Variants in EDA2R observed in about 807,000 individuals in gnomAD.
EDA2R encodes tumor necrosis factor receptor superfamily member 27.
A neutral mutation model predicts 20.1 loss-of-function variants in EDA2R; 26 were observed. That is an observed-to-expected ratio of 1.30 (90% confidence interval 0.95 to 1.80). The LOEUF is 1.80. EDA2R is among the 40% of genes most tolerant of loss of function. The pLI is 0.00. For missense variants in EDA2R, 277 were observed against 228.7 expected (o/e 1.21, Z -1.36); for synonymous variants, 114 against 88.7 (o/e 1.29, Z -1.60).
rs1329629524 is a variant in EDA2R, at chrX:66,630,489, CA to C, written c.-11+8505del. Among the ~76,000 whole-genome samples, 3 of 110,752 alleles carry C rather than the reference CA, an allele frequency of 2.7e-5. No individual in the cohort carries two copies. The East Asian group carries it at 8.5e-4, about 31-fold the overall frequency. ...GAATCCACAATGAACTCAAAAAAAT[CA>C]GGTAGAAAAATCAAACAATCCCACC... On this transcript the variant is annotated intron_variant, in intron 1 of 6. Coordinates refer to ENST00000374719, the MANE Select transcript of EDA2R (RefSeq NM_021783.5).
At chrX:66,620,488 C>A (rs1215401543) in intron 1 of EDA2R, among the ~76,000 whole-genome samples, 1 of 111,402 alleles carries the variant, frequency 9.0e-6, no homozygotes, top group Non-Finnish European at 1.9e-5. Context: ...AACTATAAAA[C>A]TCTTATAAAA....
At chrX:66,607,619 AAAT>A (rs1929928939) in intron 2 of EDA2R, among the ~76,000 whole-genome samples, 1 of 110,925 alleles carries the variant, frequency 9.0e-6, no homozygotes, top group Non-Finnish European at 1.9e-5. Flanking sequence ...GTCCCAAACA[AAAT>A]AATAATAATA....
chrX:66,619,179 A>G (rs1932198186), intron 1 of EDA2R, among the ~76,000 whole-genome samples: 2 of 111,695 alleles, frequency 1.8e-5, no homozygotes, highest in Non-Finnish European at 3.8e-5. Flanking sequence ...CATGTTTAAG[A>G]TGGATGCCAC....
intron 1 of EDA2R, among the ~76,000 whole-genome samples, chrX:66,620,566 AT>A (rs1932430816): frequency 8.9e-6 from 1 of 111,738 alleles, no homozygotes; most frequent in African/African-American, 3.3e-5. Flanking sequence ...ATAGGTGTAA[AT>A]TTTTGTGACA....
At chrX:66,626,852 G>A (rs1423410746) in intron 1 of EDA2R, among the ~76,000 whole-genome samples, 2 of 94,916 alleles carry the variant, frequency 2.1e-5, no homozygotes, top group Non-Finnish European at 4.2e-5. Flanking sequence ...GGGGAGGGGA[G>A]GGGAGGGAAA....
intron 1 of EDA2R, among the ~76,000 whole-genome samples, chrX:66,629,196 T>C (rs1422091489): frequency 9.0e-6 from 1 of 111,686 alleles, no homozygotes; most frequent in Non-Finnish European, 1.9e-5. Context: ...TACCTCAATG[T>C]AATGAAAGCC....
In EDA2R at chrX:66,599,595, CTT is replaced by C. The variant is rs1194099573; in HGVS notation, c.781_782del (p.Lys261ValfsTer11). Reference protein sequence around the residue: ...PIECTELDLQKFSSSASYTGA... With the variant: ...PIECTELDLQXFSSSASYTGA... ...CAGTATAGGAGGCAGAGCTGGAAAA[CTT>C]TTGCAGGTCCAGCTCTGTGCATTCG... is the stretch of plus-strand genomic sequence containing the variant. On this transcript the variant is annotated frameshift_variant, in exon 6 of 7. Transcript: ENST00000374719. LOFTEE classifies it high-confidence loss of function. 1 of 1,200,076 alleles carries C rather than the reference CTT, an allele frequency of 8.3e-7. No individual in the cohort carries two copies. The highest frequency in any genetic ancestry group is 1.1e-6 in the Non-Finnish European group (1 of 889,505).
In EDA2R at chrX:66,595,680, C is replaced by T. The variant is rs1927312833; in HGVS notation, c.*2424G>A. On this transcript the variant is annotated 3_prime_UTR_variant, in exon 7 of 7. Transcript: ENST00000374719. ...TTTATTGGCCAATATGAAATGTTTG[C>T]AGAGCATCATAAACAAACATAGCCC... 1 of 112,113 alleles carries T rather than the reference C, an allele frequency of 8.9e-6. No homozygotes were observed. Among genetic ancestry groups the T allele is most frequent in the Non-Finnish European group, 1.9e-5 (1 of 53,126 alleles). The allele number at this position is 112,113 out of a possible 1,213,427, so 9.2% of individuals were successfully genotyped here. A position where few individuals can be genotyped will look rare whatever the true frequency, so the allele number is the denominator to read the frequency against.
At chrX:66,608,683 C>T (rs931299879) in intron 2 of EDA2R, among the ~76,000 whole-genome samples, 1 of 112,002 alleles carries the variant, frequency 8.9e-6, no homozygotes, top group African/African-American at 3.2e-5. Context: ...AGAAGAGAGT[C>T]CTTCAGGCTG....
At chrX:66,605,651 T>C (rs1929541118) in intron 2 of EDA2R, among the ~76,000 whole-genome samples, 1 of 111,947 alleles carries the variant, frequency 8.9e-6, no homozygotes, top group Admixed American at 9.5e-5. Context: ...GATTGAAACA[T>C]TGTGAACTGC....
rs750079007 is a variant in EDA2R, at chrX:66,599,784, G to A, written c.594C>T (p.Thr198=). Residue 198 remains threonine (T), a synonymous_variant, in exon 6 of 7, where the codon ACC becomes ACT. Coordinates refer to ENST00000374719, the MANE Select transcript of EDA2R (RefSeq NM_021783.5). ...SLFPVPPSKE[T]SAESQVSENI... ...TCTCACTCACTTGGGACTCAGCACT[G>A]GTCTCCTTGCTGGGTGGCACGGGGA... The A allele has an allele frequency of 9.1e-6, 11 of 1,209,748 alleles. No individual in the cohort carries two copies. Among genetic ancestry groups the A allele is most frequent in the South Asian group, 1.8e-5 (1 of 56,404 alleles).
At chrX:66,605,269 T>C in intron 2 of EDA2R, 43 bp from the exon 3 acceptor site, 4 of 1,142,793 alleles carry the variant, frequency 3.5e-6, no homozygotes, top group Middle Eastern at 5.0e-4. Flanking sequence ...TATAGGAGCT[T>C]GGAGATGGGA....
chrX:66,626,500 C>T (rs1481216021), intron 1 of EDA2R, among the ~76,000 whole-genome samples: 2 of 111,333 alleles, frequency 1.8e-5, no homozygotes, highest in African/African-American at 3.3e-5. Flanking sequence ...TGAACAAAGA[C>T]TCCAAGAAGT....
intron 1 of EDA2R, among the ~76,000 whole-genome samples, chrX:66,632,088 A>C (rs1325694943): frequency 8.9e-6 from 1 of 111,965 alleles, no homozygotes; most frequent in Non-Finnish European, 1.9e-5. Flanking sequence ...GGGTTGGAAT[A>C]ACCACTGGCC....
chrX:66,631,056 C>T (rs1933759367), intron 1 of EDA2R, among the ~76,000 whole-genome samples: 2 of 108,410 alleles, frequency 1.8e-5, no homozygotes, highest in South Asian at 7.8e-4. Context: ...TATATATACA[C>T]ATATATATTG....
rs762812379 is a variant in EDA2R, at chrX:66,630,721, G to A, written c.-11+8274C>T. Among the ~76,000 whole-genome samples the A allele has an allele frequency of 5.5e-5, 6 of 108,629 alleles. No homozygotes were observed. The South Asian group carries it at 2.4e-3, about 43-fold the overall frequency. The allele number at this position is 108,629 out of a possible 115,157, so 94.3% of individuals were successfully genotyped here. ...ATGTTGGTGTGGATGTCGTGAACAG[G>A]CAACACTTCTACACTGCTGGTGGAA... On this transcript the variant is annotated intron_variant, in intron 1 of 6. Coordinates refer to ENST00000374719, the MANE Select transcript of EDA2R (RefSeq NM_021783.5).
intron 2 of EDA2R, among the ~76,000 whole-genome samples, chrX:66,613,276 G>C (rs931225467): frequency 6.3e-5 from 7 of 111,293 alleles, no homozygotes; most frequent in African/African-American, 2.0e-4. Context: ...CATTTTAAAC[G>C]ATTTTTAAAA....
intron 2 of EDA2R, among the ~76,000 whole-genome samples, chrX:66,611,028 A>G (rs1170423328): frequency 9.0e-6 from 1 of 111,506 alleles, no homozygotes; most frequent in Admixed American, 9.5e-5. Context: ...CTTTGACTCT[A>G]CAACTCAGAC....
intron 1 of EDA2R, among the ~76,000 whole-genome samples, chrX:66,632,750 C>T (rs1306170880): frequency 9.0e-6 from 1 of 111,541 alleles, no homozygotes; most frequent in Non-Finnish European, 1.9e-5. Flanking sequence ...ATTTCATGGG[C>T]ATGTGATAAA....
Sources: gnomAD v4.1 joint callset for allele counts (sites outside exome capture counted in the v4.1 genomes callset) on GRCh38, gnomAD v4.1.1 for gene constraint, MANE v1.5 for transcripts, NCBI Gene and HGNC (gene_info 2026-07-23, HGNC 2026-07-21) for gene names.